ADGRL2: variants seen among roughly 807,000 people sequenced by gnomAD.
ADGRL2 encodes the protein calcium-independent alpha-latrotoxin receptor 2.
ADGRL2 carries 44 observed loss-of-function variants against 157.4 expected under a neutral mutation model. That is an observed-to-expected ratio of 0.28 (90% confidence interval 0.22 to 0.36). ADGRL2 has a LOEUF of 0.36. ADGRL2 is among the 10% of genes least tolerant of loss of function. The pLI is 1.00. For synonymous variants in ADGRL2, 585 were observed against 624.7 expected (o/e 0.94, Z 0.95); for missense variants, 1,510 against 1,768.9 (o/e 0.85, Z 2.63).
chr1:81,618,503 G>A (rs1166325955), intron 3 of ADGRL2, among the ~76,000 whole-genome samples: 1 of 152,188 alleles, frequency 6.6e-6, no homozygotes, highest in East Asian at 1.9e-4. Flanking sequence ...ATATTTTTAT[G>A]ACAGTTTTTT....
intron 1 of ADGRL2, among the ~76,000 whole-genome samples, chr1:81,386,520 A>T (rs2076438687): frequency 1.3e-5 from 2 of 152,148 alleles, no homozygotes; most frequent in Non-Finnish European, 2.9e-5. Context: ...CTCTGCAACA[A>T]TCTAGAAGCA....
intron 2 of ADGRL2, among the ~76,000 whole-genome samples, chr1:81,880,350 A>C (rs709713): frequency 6.6e-6 from 1 of 152,144 alleles, no homozygotes; most frequent in Non-Finnish European, 1.5e-5. Flanking sequence ...TGAAAAATTA[A>C]GTCAGCCTTA....
chr1:81,790,151 C>G (rs1400428402), intron 2 of ADGRL2, among the ~76,000 whole-genome samples: 1 of 152,164 alleles, frequency 6.6e-6, no homozygotes, highest in South Asian at 2.1e-4. Context: ...GAAGAGTGTT[C>G]TAGGGAAAAT....
At chr1:81,789,114 G>A (rs1160795566) in intron 2 of ADGRL2, among the ~76,000 whole-genome samples, 1 of 152,184 alleles carries the variant, frequency 6.6e-6, no homozygotes, top group East Asian at 1.9e-4. Flanking sequence ...GACCCAGTGT[G>A]TATGGTGCAA....
rs141715705 is a variant in ADGRL2 at position 81,941,025 on chromosome 1, T to C, written c.398-1009T>C. ...TATAAGGTCTGTGGAGTCAAGGTAT[T>C]TGCTCTGAATGCTCGGTATGATTGT... On this transcript the variant is annotated intron_variant, in intron 4 of 23. Coordinates refer to ENST00000686636, the MANE Select transcript of ADGRL2 (RefSeq NM_001366006.2). Among the ~76,000 whole-genome samples, 873 of 151,540 alleles carry C rather than the reference T, an allele frequency of 5.8e-3. 5 individuals carry two copies. Among genetic ancestry groups the C allele is most frequent in the African/African-American group, 0.02 (828 of 41,466 alleles).
At chr1:81,631,813 G>A (rs1361255064) in intron 3 of ADGRL2, among the ~76,000 whole-genome samples, 2 of 151,834 alleles carry the variant, frequency 1.3e-5, no homozygotes, top group Non-Finnish European at 2.9e-5. Flanking sequence ...CCCCCTGCCT[G>A]GACCCCCACC....
At position 81,991,962 on chromosome 1, in the gene ADGRL2, C is replaced by G. The variant is rs1030243243; in HGVS notation, c.*817C>G. ...CTTCTTTTCCACTGTATACAGTGTTCTGCTTTGACAAAGTTGGTCTTTATT... is the reference window on the plus strand; with the variant it reads ...CTTCTTTTCCACTGTATACAGTGTTGTGCTTTGACAAAGTTGGTCTTTATT... On this transcript the variant is annotated 3_prime_UTR_variant, in exon 24 of 24. Transcript: ENST00000686636. 6.6e-6 allele frequency: 1 copy of G among 152,488 alleles called. No homozygotes were observed. The highest frequency in any genetic ancestry group is 2.4e-5 in the African/African-American group (1 of 41,424). The allele number at this position is 152,488 out of a possible 1,614,324, so 9.4% of individuals were successfully genotyped here.
intron 3 of ADGRL2, among the ~76,000 whole-genome samples, chr1:81,640,587 G>C (rs1389341724): frequency 6.6e-6 from 1 of 151,432 alleles, no homozygotes; most frequent in African/African-American, 2.4e-5. Context: ...AGCCAAGATG[G>C]CACCACTGCA....
chr1:81,418,451 G>A (rs532583177), intron 1 of ADGRL2, among the ~76,000 whole-genome samples: 1 of 152,254 alleles, frequency 6.6e-6, no homozygotes, highest in African/African-American at 2.4e-5. Flanking sequence ...CCTAAAAAAT[G>A]AATTTAAATA....
chr1:81,533,118 C>T (rs566945166), intron 2 of ADGRL2, among the ~76,000 whole-genome samples: 3 of 152,064 alleles, frequency 2.0e-5, no homozygotes, highest in African/African-American at 7.2e-5. Flanking sequence ...GTGGCTCACA[C>T]CTGTAATCCC....
chr1:81,940,689 G>T (rs1273172345), intron 4 of ADGRL2, among the ~76,000 whole-genome samples: 3 of 150,674 alleles, frequency 2.0e-5, no homozygotes, highest in East Asian at 2.0e-4. Flanking sequence ...AATAAAATGT[G>T]CACTACTCTG....
intron 1 of ADGRL2, among the ~76,000 whole-genome samples, chr1:81,712,973 G>A (rs2083986403): frequency 6.6e-6 from 1 of 151,916 alleles, no homozygotes; most frequent in Non-Finnish European, 1.5e-5. Flanking sequence ...GGCCAGGCTG[G>A]TCTCAAACTC....
chr1:81,971,979 A>G, intron 17 of ADGRL2, 61 bp downstream of exon 17: 1 of 1,070,472 alleles, frequency 9.3e-7, no homozygotes, highest in East Asian at 2.4e-5. Flanking sequence ...CTATTCAAAC[A>G]AGGATAATTT....
rs1001752498 is a variant in ADGRL2, at chr1:81,993,701, T to A, written c.*2556T>A. Among the ~76,000 whole-genome samples the A allele has an allele frequency of 5.9e-5, 9 of 152,184 alleles. No individual in the cohort carries two copies. Among genetic ancestry groups the A allele is most frequent in the African/African-American group, 2.2e-4 (9 of 41,458 alleles). On this transcript the variant is annotated 3_prime_UTR_variant, in exon 24 of 24. Transcript: ENST00000686636. ...GGTAGTTTCTTAGGTTTGTAATTAC[T>A]AAACTACTGACTGTTTTAATGCAGA...
chr1:81,857,702 T>C (rs2093250330), intron 2 of ADGRL2, among the ~76,000 whole-genome samples: 1 of 152,216 alleles, frequency 6.6e-6, no homozygotes, highest in South Asian at 2.1e-4. Context: ...TGAAAGATTA[T>C]ATTGTGATTT....
chr1:81,387,119 A>G (rs2076452029), intron 1 of ADGRL2, among the ~76,000 whole-genome samples: 1 of 152,202 alleles, frequency 6.6e-6, no homozygotes. Context: ...GAGATCCTGC[A>G]GAAGTTACCT....
At chr1:81,640,123 CA>C (rs1224089189) in intron 3 of ADGRL2, among the ~76,000 whole-genome samples, 1 of 152,148 alleles carries the variant, frequency 6.6e-6, no homozygotes, top group Non-Finnish European at 1.5e-5. Context: ...AAGTTTTAAA[CA>C]TTTCCATACA....
At chr1:81,936,987 A>G (rs762658669) in intron 4 of ADGRL2, 150 bp downstream of exon 4, 25 of 550,336 alleles carry the variant, frequency 4.5e-5, no homozygotes, top group African/African-American at 7.5e-5. Context: ...AATTAACTTC[A>G]TGAAGTGTGG....
intron 1 of ADGRL2, among the ~76,000 whole-genome samples, chr1:81,809,891 C>T (rs947838143): frequency 4.0e-5 from 6 of 151,828 alleles, no homozygotes; most frequent in African/African-American, 1.2e-4. Flanking sequence ...ATATCTATAT[C>T]TCCTGCCTGT....
Sources: gnomAD v4.1 joint callset for allele counts (sites outside exome capture counted in the v4.1 genomes callset) on GRCh38, gnomAD v4.1.1 for gene constraint, MANE v1.5 for transcripts, NCBI Gene and HGNC (gene_info 2026-07-23, HGNC 2026-07-21) for gene names.